GFOD1: variants seen among roughly 807,000 people sequenced by gnomAD.
GFOD1 encodes glucose-fructose oxidoreductase domain-containing protein 1.
A neutral mutation model predicts 25.4 loss-of-function variants in GFOD1; 9 were observed. That is an observed-to-expected ratio of 0.35 (90% CI 0.21 to 0.62). The LOEUF (loss-of-function observed/expected upper bound fraction) is 0.62. Among genes scored for constraint, GFOD1 ranks in the 20% least tolerant of loss-of-function variants. The pLI, the probability that GFOD1 is intolerant of heterozygous loss-of-function variation, is 0.72. For synonymous variants in GFOD1, 253 were observed against 245.6 expected (o/e 1.03, Z -0.28); for missense variants, 403 against 556.9 (o/e 0.72, Z 2.78).
In GFOD1 at chr6:13,368,010, C is replaced by G. The variant is rs564483571; in HGVS notation, c.254-2348G>C. 3.3e-4 allele frequency among the ~76,000 whole-genome samples: 50 copies of G among 152,280 alleles called. 1 individual carries two copies. Among genetic ancestry groups the G allele is most frequent in the Middle Eastern group, 3.4e-3 (1 of 294 alleles). ...GTCCTGACTACAGACACTCAATTGA[C>G]AAAATCCACGAACACTTACAACGTG... On this transcript the variant is annotated intron_variant, in intron 1 of 1. Transcript: ENST00000379287.
intron 1 of GFOD1, among the ~76,000 whole-genome samples, chr6:13,412,609 A>G (rs4145561): frequency 0.95 from 144,380 of 152,272 alleles, 68,952 homozygotes; most frequent in East Asian, 1. Context: ...TGTCTTTAAC[A>G]TCCACTCCCT....
intron 1 of GFOD1, among the ~76,000 whole-genome samples, chr6:13,377,899 G>C (rs1413501243): frequency 6.6e-6 from 1 of 152,148 alleles, no homozygotes; most frequent in Non-Finnish European, 1.5e-5. Context: ...TCAGTGAGGT[G>C]CTCTAGGGTT....
chr6:13,439,157 G>T (rs1757877695), intron 1 of GFOD1, among the ~76,000 whole-genome samples: 1 of 152,166 alleles, frequency 6.6e-6, no homozygotes, highest in Non-Finnish European at 1.5e-5. Flanking sequence ...TCTCAAGACT[G>T]CCCCTTGTCT....
At chr6:13,397,772 T>C (rs1785764009) in intron 1 of GFOD1, among the ~76,000 whole-genome samples, 1 of 152,212 alleles carries the variant, frequency 6.6e-6, no homozygotes, top group African/African-American at 2.4e-5. Flanking sequence ...CCACGTGGCA[T>C]TATCCCGGCA....
chr6:13,392,427 C>T (rs1440594694), intron 1 of GFOD1, among the ~76,000 whole-genome samples: 6 of 150,600 alleles, frequency 4.0e-5, no homozygotes, highest in East Asian at 1.9e-4. Context: ...AACGACTCCT[C>T]CACCAAAAAA....
chr6:13,378,457 T>G (rs1785297342), intron 1 of GFOD1, among the ~76,000 whole-genome samples: 1 of 152,224 alleles, frequency 6.6e-6, no homozygotes, highest in Non-Finnish European at 1.5e-5. Context: ...GCTGGAGGCT[T>G]GACATGGGAG....
chr6:13,360,550 A>G lies in GFOD1; in HGVS notation c.*4193T>C, dbSNP rs2127553335. Reference sequence around the variant, plus strand: ...AGGCCATCTATAATAGTCAGCCAACAAGATTTTGAAAATCCCCAGCCCTGA... The same window carrying G: ...AGGCCATCTATAATAGTCAGCCAACGAGATTTTGAAAATCCCCAGCCCTGA... On this transcript the variant is annotated 3_prime_UTR_variant, in exon 2 of 2. Transcript: ENST00000379287. The G allele has an allele frequency of 5.3e-6, 2 of 375,188 alleles. No individual in the cohort carries two copies. The highest frequency in any genetic ancestry group is 7.4e-5 in the East Asian group (1 of 13,598). 23.2% of individuals were successfully genotyped at this position (375,188 alleles called of 1,614,324 possible).
At chr6:13,401,345 G>A (rs888135557) in intron 1 of GFOD1, among the ~76,000 whole-genome samples, 1 of 152,006 alleles carries the variant, frequency 6.6e-6, no homozygotes, top group Non-Finnish European at 1.5e-5. Flanking sequence ...AATCTGAGCC[G>A]TGTAGCAGAT....
In GFOD1 at chr6:13,430,411, T is replaced by C. The variant is rs188114902; in HGVS notation, c.253+56227A>G. On this transcript the variant is annotated intron_variant, in intron 1 of 1. Coordinates refer to ENST00000379287, the MANE Select transcript of GFOD1 (RefSeq NM_018988.4). This position sits in a 1 kb window ranked among gnomAD's most constrained non-coding sequence, Gnocchi z 4.1. ...GAGATCACACCACTGCACTCCAGCC[T>C]GGGTGACAGAACGAGACTCCACCTC... Among the ~76,000 whole-genome samples the C allele has an allele frequency of 3.4e-4, 51 of 152,188 alleles. 1 individual carries two copies. The East Asian group carries it at 9.6e-3, about 29-fold the overall frequency.
chr6:13,409,149 G>GGAAGAA (rs761435261), intron 1 of GFOD1, among the ~76,000 whole-genome samples: 1 of 36,424 alleles, frequency 2.7e-5, no homozygotes, highest in Non-Finnish European at 6.9e-5. Context: ...AAGAAAGAAA[G>GGAAGAA]AGAGGAAAGA....
At chr6:13,422,734 G>A (rs4145562) in intron 1 of GFOD1, among the ~76,000 whole-genome samples, 35,979 of 152,086 alleles carry the variant, frequency 0.24, 4,337 homozygotes, top group Middle Eastern at 0.34. Flanking sequence ...CCAGTAGGCT[G>A]GTTCCTTTGT....
chr6:13,378,451 G>A (rs1229305551), intron 1 of GFOD1, among the ~76,000 whole-genome samples: 3 of 152,252 alleles, frequency 2.0e-5, no homozygotes, highest in Non-Finnish European at 4.4e-5. Flanking sequence ...AGAAGGGCTG[G>A]AGGCTTGACA....
intron 1 of GFOD1, among the ~76,000 whole-genome samples, chr6:13,460,321 T>C (rs9395801): frequency 0.98 from 149,330 of 152,244 alleles, 73,307 homozygotes; most frequent in Middle Eastern, 1. Flanking sequence ...AGGTATATAC[T>C]CAAAGGAATA....
chr6:13,390,506 C>G (rs545953720), intron 1 of GFOD1, among the ~76,000 whole-genome samples: 1 of 148,138 alleles, frequency 6.8e-6, no homozygotes, highest in East Asian at 2.0e-4. Flanking sequence ...TAGGAGGATT[C>G]CTTGAACCCA....
chr6:13,439,866 C>A (rs1757887818), intron 1 of GFOD1, among the ~76,000 whole-genome samples: 1 of 152,184 alleles, frequency 6.6e-6, no homozygotes, highest in Non-Finnish European at 1.5e-5. Flanking sequence ...GACTGTTACA[C>A]CCTTGCTCTA....
At chr6:13,370,945 T>G (rs1284691722) in intron 1 of GFOD1, among the ~76,000 whole-genome samples, 1 of 152,194 alleles carries the variant, frequency 6.6e-6, no homozygotes, top group African/African-American at 2.4e-5. Flanking sequence ...AGCCTGGGCT[T>G]TGGACTCGGC....
At chr6:13,390,432 A>T (rs993439954) in intron 1 of GFOD1, among the ~76,000 whole-genome samples, 52 of 152,218 alleles carry the variant, frequency 3.4e-4, no homozygotes, top group African/African-American at 1.3e-3. Flanking sequence ...CTCTAAAAAA[A>T]ATACAAAAAA....
chr6:13,436,968 G>T (rs1757843497), intron 1 of GFOD1, among the ~76,000 whole-genome samples: 1 of 152,248 alleles, frequency 6.6e-6, no homozygotes, highest in Non-Finnish European at 1.5e-5. Context: ...AGGCCAAGCT[G>T]CTGGTCCAAC....
At chr6:13,477,216 G>GTGTGTGTGTGTGT (rs869069113) in intron 1 of GFOD1, among the ~76,000 whole-genome samples, 1,467 of 140,854 alleles carry the variant, frequency 0.01, 22 homozygotes, top group Non-Finnish European at 0.014. Context: ...ACCAATAGGG[G>GTGTGTGTGTGTGT]GTGTGTGTGT....
Sources: allele counts gnomAD v4.1 joint callset (sites outside exome capture counted in the v4.1 genomes callset), GRCh38; gene constraint gnomAD v4.1.1; non-coding constraint Gnocchi (gnomAD v3.1); transcripts MANE v1.5; gene names NCBI Gene and HGNC (gene_info 2026-07-23, HGNC 2026-07-21).